The following CDC14A variants were observed in gnomAD, a reference collection of about 807,000 sequenced individuals.
CDC14A encodes the protein dual specificity protein phosphatase CDC14A.
Under a neutral mutation model 74.4 loss-of-function variants are expected in CDC14A, and 53 were observed. The observed-to-expected ratio is 0.71, with a 90% CI of 0.57 to 0.89. The LOEUF is 0.89. CDC14A is among the 40% of genes least tolerant of loss of function. CDC14A has a pLI of 0.00. For missense variants in CDC14A, 646 were observed against 713.7 expected (o/e 0.91, Z 1.08); for synonymous variants, 247 against 258.4 (o/e 0.96, Z 0.43).
chr1:100,378,144 C>T (rs563835398), intron 3 of CDC14A, among the ~76,000 whole-genome samples: 29 of 152,286 alleles, frequency 1.9e-4, no homozygotes, highest in African/African-American at 6.3e-4. Context: ...TGATAGAATT[C>T]TGGTCATACA....
chr1:100,426,162 C>T (rs887707398), intron 5 of CDC14A, among the ~76,000 whole-genome samples: 13 of 152,152 alleles, frequency 8.5e-5, no homozygotes, highest in African/African-American at 2.4e-4. Flanking sequence ...CTTACTCTGT[C>T]GCCCAGGCTG....
chr1:100,489,942 A>C (rs954853023), intron 11 of CDC14A, among the ~76,000 whole-genome samples: 3 of 152,220 alleles, frequency 2.0e-5, no homozygotes, highest in African/African-American at 7.2e-5. Context: ...TAAGGGCAGA[A>C]TGGAGGCCCA....
chr1:100,419,186 A>C (rs1283416448), intron 4 of CDC14A, among the ~76,000 whole-genome samples: 1 of 152,204 alleles, frequency 6.6e-6, no homozygotes, highest in Non-Finnish European at 1.5e-5. Context: ...AACCTGTCTA[A>C]AATAAAATAA....
chr1:100,453,951 A>G (rs1251255080), intron 7 of CDC14A, among the ~76,000 whole-genome samples: 1 of 152,192 alleles, frequency 6.6e-6, no homozygotes, highest in African/African-American at 2.4e-5. Flanking sequence ...TGGAGATATT[A>G]TGTTTATTAC....
chr1:100,348,429 T>C (rs1650627600), upstream of CDC14A, among the ~76,000 whole-genome samples: 1 of 152,226 alleles, frequency 6.6e-6, no homozygotes, highest in African/African-American at 2.4e-5. Flanking sequence ...GTTTAAATGA[T>C]AAAATTTAAT....
At position 100,498,078 on chromosome 1, in the gene CDC14A, C is replaced by T. The variant is rs775206354; in HGVS notation, c.1299-7C>T. 30 of 1,606,376 alleles carry T rather than the reference C, an allele frequency of 1.9e-5. No homozygotes were observed. Among genetic ancestry groups the T allele is most frequent in the Admixed American group, 3.5e-5 (2 of 57,914 alleles). ...ATTGTGACACTTTGCCATTTTTCTC[C>T]GCAAAGATTAAGTTCATCCCTGCAA... On this transcript the variant is annotated splice_polypyrimidine_tract_variant and splice_region_variant and intron_variant, in intron 13 of 15. Coordinates refer to ENST00000336454, the MANE Select transcript of CDC14A (RefSeq NM_003672.4).
chr1:100,484,334 C>T lies in CDC14A; in HGVS notation c.1020C>T (p.Ser340=). The T allele has an allele frequency of 6.2e-7, 1 of 1,600,970 alleles. No homozygotes were observed. Among genetic ancestry groups the T allele is most frequent in the Non-Finnish European group, 8.5e-7 (1 of 1,173,864 alleles). The change falls in exon 11 of 16, where the codon TCC becomes TCT. Residue 340 remains serine (S), a synonymous_variant. Coordinates refer to ENST00000336454, the MANE Select transcript of CDC14A (RefSeq NM_003672.4). ...SLWVQGDIFR[S]KLKNRPSSEG... ...GGGTCCAAGGAGACATTTTCCGATC[C>T]AAACTGAAAAATCGACCATCCAGTG...
chr1:100,504,830 T>A (rs1321125292), intron 15 of CDC14A: 1 of 1,535,636 alleles, frequency 6.5e-7, no homozygotes, highest in South Asian at 1.2e-5. Context: ...TGCCTACTGC[T>A]AGTCTTTAGG....
intron 2 of CDC14A, among the ~76,000 whole-genome samples, chr1:100,359,318 G>A (rs1056890486): frequency 1.3e-5 from 2 of 152,158 alleles, no homozygotes; most frequent in Non-Finnish European, 2.9e-5. Context: ...TCCAGAGAGG[G>A]AAGTATATTG....
chr1:100,423,746 G>A (rs541594993), intron 4 of CDC14A: 5 of 160,302 alleles, frequency 3.1e-5, no homozygotes, highest in African/African-American at 1.2e-4. Context: ...TTTATTGAGT[G>A]TCTAGAGAGC....
intron 3 of CDC14A, chr1:100,383,675 G>A (rs1433816160): frequency 6.6e-6 from 1 of 152,502 alleles, no homozygotes; most frequent in Admixed American, 6.5e-5. Flanking sequence ...TGCGGTCCCT[G>A]TGCTGTGATC....
At chr1:100,447,678 A>G (rs113606746) in intron 7 of CDC14A, among the ~76,000 whole-genome samples, 21 of 152,330 alleles carry the variant, frequency 1.4e-4, no homozygotes, top group African/African-American at 4.3e-4. Context: ...TGAACATTCA[A>G]TTAAATTAGG....
chr1:100,427,328 G>C (rs1409573333), intron 5 of CDC14A, among the ~76,000 whole-genome samples: 1 of 152,022 alleles, frequency 6.6e-6, no homozygotes, highest in African/African-American at 2.4e-5. Context: ...AGGTGTGGTT[G>C]GTATGTTCAT....
At chr1:100,354,647 A>G (rs182076231) in intron 2 of CDC14A, among the ~76,000 whole-genome samples, 4 of 152,386 alleles carry the variant, frequency 2.6e-5, no homozygotes, top group Non-Finnish European at 5.9e-5. Flanking sequence ...AGATAATAAG[A>G]AATAAGAAGG....
At chr1:100,415,758 A>G (rs1199266440) in intron 4 of CDC14A, among the ~76,000 whole-genome samples, 1 of 152,216 alleles carries the variant, frequency 6.6e-6, no homozygotes, top group African/African-American at 2.4e-5. Flanking sequence ...TCTGATTTGT[A>G]ATCAGACTGA....
chr1:100,507,463 ATTC>A (rs943625117), intron 15 of CDC14A, among the ~76,000 whole-genome samples: 2 of 150,328 alleles, frequency 1.3e-5, no homozygotes, highest in Admixed American at 6.6e-5. Flanking sequence ...CTCAGCCATC[ATTC>A]TTCTTTTTTT....
intron 5 of CDC14A, among the ~76,000 whole-genome samples, chr1:100,438,686 T>C (rs147185873): frequency 1.7e-4 from 26 of 152,364 alleles, no homozygotes; most frequent in African/African-American, 5.8e-4. Flanking sequence ...TTCTGTTAAG[T>C]TGCTTTGCTA....
intron 15 of CDC14A, among the ~76,000 whole-genome samples, chr1:100,509,634 G>A (rs1441490190): frequency 6.6e-6 from 1 of 152,234 alleles, no homozygotes; most frequent in African/African-American, 2.4e-5. Context: ...ACATGTGGAT[G>A]TGCATGCATG....
At chr1:100,419,935 T>A (rs1052442546) in intron 4 of CDC14A, among the ~76,000 whole-genome samples, 7 of 148,634 alleles carry the variant, frequency 4.7e-5, no homozygotes, top group African/African-American at 1.7e-4. Flanking sequence ...TCAAGAGTAT[T>A]TTCACTTTCC....
Sources: gnomAD v4.1 joint callset for allele counts (sites outside exome capture counted in the v4.1 genomes callset) on GRCh38, gnomAD v4.1.1 for gene constraint, MANE v1.5 for transcripts, NCBI Gene and HGNC (gene_info 2026-07-23, HGNC 2026-07-21) for gene names.